MAP2K5: variants seen among roughly 807,000 people sequenced by gnomAD.
MAP2K5 encodes the protein dual specificity mitogen-activated protein kinase kinase 5.
Under a neutral mutation model 83.1 loss-of-function variants are expected in MAP2K5, and 49 were observed. The ratio of observed to expected loss-of-function variants is 0.59; its 90% confidence interval spans 0.47 to 0.75. MAP2K5 has a LOEUF of 0.75. MAP2K5 is among the 30% of genes least tolerant of loss of function. MAP2K5 has a pLI of 0.00. For missense variants in MAP2K5, 457 were observed against 557.5 expected (o/e 0.82, Z 1.82); for synonymous variants, 202 against 191.8 (o/e 1.05, Z -0.44).
chr15:67,591,632 G>A (rs1209918523), intron 6 of MAP2K5, among the ~76,000 whole-genome samples: 1 of 151,450 alleles, frequency 6.6e-6, no homozygotes, highest in Non-Finnish European at 1.5e-5. Context: ...GCCTCCCAAA[G>A]TGCTGGGATT....
chr15:67,611,058 A>G (rs1321295404), intron 8 of MAP2K5, among the ~76,000 whole-genome samples: 2 of 152,342 alleles, frequency 1.3e-5, no homozygotes, highest in East Asian at 1.9e-4. Flanking sequence ...GAAGATATGT[A>G]TTGTGTGAGG....
intron 19 of MAP2K5, among the ~76,000 whole-genome samples, chr15:67,756,629 T>A (rs2089843713): frequency 6.6e-6 from 1 of 150,924 alleles, no homozygotes; most frequent in African/African-American, 2.4e-5. Flanking sequence ...TTAATTATAC[T>A]CACCATGCTA....
Position 67,692,459 on chromosome 15 carries a change from C to T in MAP2K5, c.848-20C>T. Reference sequence around the variant, plus strand: ...AGATACATGGAATTAGTTACATGGCCTTTTCTGGTCCCTTTTTAGACGTGA... The same window carrying T: ...AGATACATGGAATTAGTTACATGGCTTTTTCTGGTCCCTTTTTAGACGTGA... On this transcript the variant is annotated intron_variant, in intron 13 of 21. Transcript: ENST00000178640. 6.3e-7 allele frequency: 1 copy of T among 1,597,722 alleles called. No homozygotes were observed. The highest frequency in any genetic ancestry group is 8.6e-7 in the Non-Finnish European group (1 of 1,165,230).
intron 4 of MAP2K5, among the ~76,000 whole-genome samples, chr15:67,585,558 T>C (rs2085270494): frequency 6.6e-6 from 1 of 152,326 alleles, no homozygotes; most frequent in Non-Finnish European, 1.5e-5. Context: ...ATAGCAGATA[T>C]ACAATGTAAT....
chr15:67,572,553 T>G lies in MAP2K5; in HGVS notation c.253-8201T>G, dbSNP rs1375381209. ...CCATAGAGTAGGACGTTCCCGAAAG[T>G]AGGAGGATGAATGTGCCCACCCTAC... On this transcript the variant is annotated intron_variant, in intron 3 of 21. Coordinates refer to ENST00000178640, the MANE Select transcript of MAP2K5 (RefSeq NM_145160.3). The surrounding 1 kb of genome is among the most constrained non-coding windows in gnomAD (Gnocchi z 4.2). 6.6e-6 allele frequency among the ~76,000 whole-genome samples: 1 copy of G among 152,116 alleles called. No individual in the cohort carries two copies. The highest frequency in any genetic ancestry group is 1.5e-5 in the Non-Finnish European group (1 of 68,012).
At chr15:67,655,204 T>C (rs1258068498) in intron 11 of MAP2K5, among the ~76,000 whole-genome samples, 1 of 152,246 alleles carries the variant, frequency 6.6e-6, no homozygotes, top group African/African-American at 2.4e-5. Flanking sequence ...TATGCCATTG[T>C]CTCTTAAGTC....
At chr15:67,709,711 T>C (rs927631608) in intron 16 of MAP2K5, among the ~76,000 whole-genome samples, 4 of 152,158 alleles carry the variant, frequency 2.6e-5, no homozygotes, top group African/African-American at 9.7e-5. Context: ...CTTGTGTCAT[T>C]TGAGTTCACA....
rs2084999691 is a variant in MAP2K5, at chr15:67,573,937, T to G, written c.253-6817T>G. On this transcript the variant is annotated intron_variant, in intron 3 of 21. Coordinates refer to ENST00000178640, the MANE Select transcript of MAP2K5 (RefSeq NM_145160.3). The surrounding 1 kb of genome is among the most constrained non-coding windows in gnomAD (Gnocchi z 4.2). Reference sequence around the variant, plus strand: ...TTTACATATAAACAAACATTGTACATAAGGTAGATGTGTTCCTCCTCTTGC... The same window carrying G: ...TTTACATATAAACAAACATTGTACAGAAGGTAGATGTGTTCCTCCTCTTGC... Among the ~76,000 whole-genome samples the G allele has an allele frequency of 6.6e-6, 1 of 152,226 alleles. No homozygotes were observed. Among genetic ancestry groups the G allele is most frequent in the Admixed American group, 6.5e-5 (1 of 15,288 alleles).
rs2084972742 is a variant in MAP2K5 at position 67,572,703 on chromosome 15, A to AT, written c.253-8049dup. Reference sequence around the variant, plus strand: ...TTTTGCAAGAATTGATATTATTATTATTATTTTTTTTTTTGAGATGGAGTC... The same window carrying AT: ...TTTTGCAAGAATTGATATTATTATTATTTATTTTTTTTTTTGAGATGGAGTC... On this transcript the variant is annotated intron_variant, in intron 3 of 21. Transcript: ENST00000178640. This position sits in a 1 kb window ranked among gnomAD's most constrained non-coding sequence, Gnocchi z 4.2. Among the ~76,000 whole-genome samples the AT allele has an allele frequency of 1.6e-5, 2 of 125,400 alleles. No homozygotes were observed. Among genetic ancestry groups the AT allele is most frequent in the African/African-American group, 2.6e-5 (1 of 37,748 alleles). The allele number at this position is 125,400 out of a possible 152,430, so 82.3% of individuals were successfully genotyped here. A position where few individuals can be genotyped will look rare whatever the true frequency, so the allele number is the denominator to read the frequency against.
chr15:67,551,832 A>G (rs531837934), intron 2 of MAP2K5, among the ~76,000 whole-genome samples: 7 of 152,372 alleles, frequency 4.6e-5, no homozygotes, highest in African/African-American at 1.7e-4. Context: ...CTATAATTCA[A>G]AGCATTCAAC....
At chr15:67,591,505 G>A (rs1312271691) in intron 6 of MAP2K5, among the ~76,000 whole-genome samples, 1 of 151,166 alleles carries the variant, frequency 6.6e-6, no homozygotes, top group Non-Finnish European at 1.5e-5. Flanking sequence ...CTCCAGCTGG[G>A]ACTACAGGCG....
intron 19 of MAP2K5, among the ~76,000 whole-genome samples, chr15:67,756,604 C>T (rs8042233): frequency 0.89 from 132,301 of 148,564 alleles, 59,052 homozygotes; most frequent in Middle Eastern, 0.92. Flanking sequence ...ATTTTAAATA[C>T]ATAATACAGG....
Position 67,567,863 on chromosome 15 carries a change from A to T in MAP2K5, c.252+4513A>T, listed in dbSNP as rs200574732. Among the ~76,000 whole-genome samples the T allele has an allele frequency of 2.1e-4, 32 of 151,438 alleles. No homozygotes were observed. In the East Asian group the frequency reaches 5.5e-3, roughly 26 times the overall value. On this transcript the variant is annotated intron_variant, in intron 3 of 21. Transcript: ENST00000178640. Reference sequence around the variant, plus strand: ...AATAGCGTGCTGCTTTTTTCCTTCCATTTTTTTGTGTTTGTTGTCTGGTAG... The same window carrying T: ...AATAGCGTGCTGCTTTTTTCCTTCCTTTTTTTTGTGTTTGTTGTCTGGTAG...
At position 67,587,875 on chromosome 15, in the gene MAP2K5, TG is replaced by T. The variant is rs2141005410; in HGVS notation, c.431+965del. ...CACACCCTGTCAGTCCCCACACTTG[TG>T]GGTTCTACCTTCTGAGTAGCTCTGC... On this transcript the variant is annotated intron_variant, in intron 6 of 21. Transcript: ENST00000178640. This position sits in a 1 kb window ranked among gnomAD's most constrained non-coding sequence, Gnocchi z 4.8. Among the ~76,000 whole-genome samples the T allele has an allele frequency of 6.6e-6, 1 of 152,342 alleles. No individual in the cohort carries two copies. Among genetic ancestry groups the T allele is most frequent in the Admixed American group, 6.5e-5 (1 of 15,308 alleles).
rs1255787154 is a variant in MAP2K5 at position 67,563,494 on chromosome 15, G to A, written c.252+144G>A. On this transcript the variant is annotated intron_variant, in intron 3 of 21. Transcript: ENST00000178640. This position sits in a 1 kb window ranked among gnomAD's most constrained non-coding sequence, Gnocchi z 4.5. ...ATAGGTAAAGGTTTCAAGGATTTCC[G>A]TATGTGAAAGTTAAGGGCATTATTT... 9 of 995,494 alleles carry A rather than the reference G, an allele frequency of 9.0e-6. No individual in the cohort carries two copies. Among genetic ancestry groups the A allele is most frequent in the Admixed American group, 3.1e-5 (1 of 32,310 alleles). The allele number at this position is 995,494 out of a possible 1,614,324, so 61.7% of individuals were successfully genotyped here.
rs1011548399 is a variant in MAP2K5 at position 67,702,477 on chromosome 15, C to A, written c.973-860C>A. On this transcript the variant is annotated intron_variant, in intron 15 of 21. Coordinates refer to ENST00000178640, the MANE Select transcript of MAP2K5 (RefSeq NM_145160.3). This position sits in a 1 kb window ranked among gnomAD's most constrained non-coding sequence, Gnocchi z 4.6. ...CAGCCTTGCCATGATTAGCCTGTAA[C>A]CTTTAGCAATCATTCCACCTTTGTG... Among the ~76,000 whole-genome samples, 1 of 152,196 alleles carries A rather than the reference C, an allele frequency of 6.6e-6. No individual in the cohort carries two copies. The highest frequency in any genetic ancestry group is 1.5e-5 in the Non-Finnish European group (1 of 68,034).
At chr15:67,579,587 T>C (rs2085134725) in intron 3 of MAP2K5, among the ~76,000 whole-genome samples, 1 of 152,176 alleles carries the variant, frequency 6.6e-6, no homozygotes, top group Non-Finnish European at 1.5e-5. Flanking sequence ...TGTGTAGCTA[T>C]CCAACATCCA....
intron 15 of MAP2K5, among the ~76,000 whole-genome samples, chr15:67,695,618 T>C (rs1288967003): frequency 6.6e-6 from 1 of 152,188 alleles, no homozygotes; most frequent in African/African-American, 2.4e-5. Context: ...TGGGGGGACA[T>C]GACTATAAAT....
chr15:67,549,834 A>T (rs1368523452), intron 1 of MAP2K5, among the ~76,000 whole-genome samples, 200 bp from the exon 2 acceptor site: 1 of 152,210 alleles, frequency 6.6e-6, no homozygotes, highest in Non-Finnish European at 1.5e-5. Context: ...AAGTTTCCTT[A>T]AATATTTTTC....
Sources: allele counts gnomAD v4.1 joint callset (sites outside exome capture counted in the v4.1 genomes callset), GRCh38; gene constraint gnomAD v4.1.1; non-coding constraint Gnocchi (gnomAD v3.1); transcripts MANE v1.5; gene names NCBI Gene and HGNC (gene_info 2026-07-23, HGNC 2026-07-21).